Variants in TTC29 observed in about 807,000 individuals in gnomAD.
TTC29 encodes tetratricopeptide repeat protein 29.
Under a neutral mutation model 58.1 loss-of-function variants are expected in TTC29, and 49 were observed. That is an observed-to-expected ratio of 0.84 (90% confidence interval 0.67 to 1.07). The LOEUF (loss-of-function observed/expected upper bound fraction) is 1.07, where lower values mean the gene tolerates loss of function less well. TTC29 is among the 50% of genes least tolerant of loss of function. The probability of loss-of-function intolerance (pLI) is 0.00; values close to 1 mark genes in which losing one functional copy is unlikely to be tolerated. For missense variants in TTC29, 582 were observed against 555.6 expected (o/e 1.05, Z -0.48); for synonymous variants, 209 against 196.8 (o/e 1.06, Z -0.52).
At chr4:146,900,888 G>A (rs553673646) in intron 6 of TTC29, among the ~76,000 whole-genome samples, 1 of 152,234 alleles carries the variant, frequency 6.6e-6, no homozygotes, top group East Asian at 1.9e-4. Context: ...TTTTAAAAAA[G>A]TAGAAATAAA....
At chr4:146,720,785 C>T (rs1268664870) in intron 11 of TTC29, among the ~76,000 whole-genome samples, 2 of 152,052 alleles carry the variant, frequency 1.3e-5, no homozygotes, top group Non-Finnish European at 2.9e-5. Flanking sequence ...CACACTACTC[C>T]ACTCTCAGAA....
At chr4:146,762,205 G>A (rs1509328) in intron 11 of TTC29, among the ~76,000 whole-genome samples, 60,022 of 151,714 alleles carry the variant, frequency 0.4, 12,572 homozygotes, top group African/African-American at 0.51. Flanking sequence ...CTAATACAGT[G>A]GATTCATTTC....
intron 11 of TTC29, among the ~76,000 whole-genome samples, chr4:146,749,944 G>T (rs977943609): frequency 5.3e-5 from 8 of 152,140 alleles, no homozygotes; most frequent in Non-Finnish European, 2.9e-5. Context: ...CACTTATGAA[G>T]CAAAACGAAG....
At chr4:146,721,642 G>T (rs1342912030) in intron 11 of TTC29, among the ~76,000 whole-genome samples, 1 of 152,080 alleles carries the variant, frequency 6.6e-6, no homozygotes, top group Non-Finnish European at 1.5e-5. Flanking sequence ...GACAGACAGA[G>T]TGAGTTAACG....
intron 6 of TTC29, among the ~76,000 whole-genome samples, chr4:146,900,557 G>A (rs141699136): frequency 0.01 from 1,554 of 152,224 alleles, 11 homozygotes; most frequent in Middle Eastern, 0.024. Context: ...GGTGCCGTGC[G>A]TACTAACCAC....
chr4:146,807,440 T>C (rs896913102), intron 10 of TTC29, among the ~76,000 whole-genome samples: 5 of 152,030 alleles, frequency 3.3e-5, no homozygotes, highest in Non-Finnish European at 5.9e-5. Context: ...AAAAAATCAA[T>C]GAATCCAGGA....
At chr4:146,736,335 A>G (rs1051240563) in intron 11 of TTC29, among the ~76,000 whole-genome samples, 1 of 152,164 alleles carries the variant, frequency 6.6e-6, no homozygotes, top group Non-Finnish European at 1.5e-5. Context: ...GGATTATGAA[A>G]GTTGGTATAC....
intron 11 of TTC29, among the ~76,000 whole-genome samples, chr4:146,747,100 A>G (rs916902653): frequency 2.0e-5 from 3 of 152,098 alleles, no homozygotes; most frequent in African/African-American, 4.8e-5. Flanking sequence ...AGCATCCCCT[A>G]TCACCACCGT....
chr4:146,791,769 A>G (rs1432714418), intron 11 of TTC29, among the ~76,000 whole-genome samples: 1 of 152,220 alleles, frequency 6.6e-6, no homozygotes, highest in African/African-American at 2.4e-5. Context: ...AAGAGAAAAG[A>G]AAGTTCTTGA....
chr4:146,721,984 TA>T (rs898737533), intron 11 of TTC29, among the ~76,000 whole-genome samples: 11 of 152,154 alleles, frequency 7.2e-5, no homozygotes, highest in African/African-American at 2.4e-4. Context: ...AAAATCAATG[TA>T]AAAAAATCAG....
chr4:146,886,767 C>G (rs1732011151), intron 6 of TTC29, among the ~76,000 whole-genome samples: 1 of 151,974 alleles, frequency 6.6e-6, no homozygotes, highest in African/African-American at 2.4e-5. Context: ...TGAGCAAATC[C>G]TTGCATAAGG....
At chr4:146,865,174 A>G (rs2150205977) in intron 8 of TTC29, among the ~76,000 whole-genome samples, 1 of 152,268 alleles carries the variant, frequency 6.6e-6, no homozygotes, top group African/African-American at 2.4e-5. Flanking sequence ...TCCTTCTTCA[A>G]TCTATTCATT....
chr4:146,800,988 C>G (rs1750176219), intron 11 of TTC29, among the ~76,000 whole-genome samples: 2 of 152,092 alleles, frequency 1.3e-5, no homozygotes, highest in African/African-American at 2.4e-5. Context: ...TGGAGGGTTT[C>G]AGCATTTGAG....
chr4:146,807,922 T>TAG (rs1269175422), intron 10 of TTC29, among the ~76,000 whole-genome samples: 1 of 151,922 alleles, frequency 6.6e-6, no homozygotes, highest in Non-Finnish European at 1.5e-5. Context: ...CAAAACCTGG[T>TAG]AGAGACACAA....
intron 8 of TTC29, among the ~76,000 whole-genome samples, chr4:146,842,477 A>G (rs536456719): frequency 3.1e-4 from 47 of 152,194 alleles, no homozygotes; most frequent in Admixed American, 1.3e-3. Flanking sequence ...AATAAATGAG[A>G]ATGAAACCCC....
intron 11 of TTC29, among the ~76,000 whole-genome samples, chr4:146,737,289 C>A (rs1744778432): frequency 6.6e-6 from 1 of 152,050 alleles, no homozygotes. Flanking sequence ...AGTCAATATT[C>A]ATTAGAAGAA....
At chr4:146,774,191 T>C (rs576830917) in intron 11 of TTC29, among the ~76,000 whole-genome samples, 1 of 152,332 alleles carries the variant, frequency 6.6e-6, no homozygotes, top group South Asian at 2.1e-4. Flanking sequence ...CCTGGATTCA[T>C]TGATCTTTTG....
intron 11 of TTC29, among the ~76,000 whole-genome samples, chr4:146,719,848 C>G (rs993084494): frequency 6.6e-6 from 1 of 151,980 alleles, no homozygotes; most frequent in Non-Finnish European, 1.5e-5. Flanking sequence ...AAAAAAAAAG[C>G]AATTTATTCA....
At chr4:146,906,568 A>T (rs1733533784) in intron 5 of TTC29, among the ~76,000 whole-genome samples, 1 of 152,232 alleles carries the variant, frequency 6.6e-6, no homozygotes, top group African/African-American at 2.4e-5. Context: ...CAAGTTAATA[A>T]GAGTGAATGT....
Sources: allele counts gnomAD v4.1 joint callset (sites outside exome capture counted in the v4.1 genomes callset), GRCh38; gene constraint gnomAD v4.1.1; transcripts MANE v1.5; gene names NCBI Gene and HGNC (gene_info 2026-07-23, HGNC 2026-07-21).